SLC16A5: variants seen among roughly 807,000 people sequenced by gnomAD.
SLC16A5 encodes monocarboxylate transporter 6.
In SLC16A5, 29 loss-of-function variants were observed where a neutral mutation model predicts 33.2. The ratio of observed to expected loss-of-function variants is 0.87; its 90% CI spans 0.65 to 1.19. SLC16A5 has a LOEUF of 1.19. SLC16A5 is among the 50% of genes most tolerant of loss of function. The pLI is 0.00. For synonymous variants in SLC16A5, 248 were observed against 284.1 expected, an observed-to-expected ratio of 0.87 and a Z score of 1.28; for missense variants, 606 against 678.2, an observed-to-expected ratio of 0.89 and a Z score of 1.18.
Position 75,100,818 on chromosome 17 carries a change from T to C in SLC16A5, c.1153+2T>C. The C allele has an allele frequency of 6.3e-7, 1 of 1,579,974 alleles. No homozygotes were observed. Among genetic ancestry groups the C allele is most frequent in the Non-Finnish European group, 8.6e-7 (1 of 1,159,604 alleles). On this transcript the variant is annotated splice_donor_variant, in intron 5 of 6. Coordinates refer to ENST00000329783, the MANE Select transcript of SLC16A5 (RefSeq NM_004695.4). LOFTEE classifies it high-confidence loss of function. ...TCCTCATCTCCCCACCACTGGCCGG[T>C]GAGGAGCTGGGAGGGAGGGCAGCCA...
intron 2 of SLC16A5, among the ~76,000 whole-genome samples, chr17:75,092,791 CTG>C (rs900991226): frequency 2.7e-5 from 4 of 148,706 alleles, no homozygotes; most frequent in African/African-American, 9.9e-5. Flanking sequence ...TTGTGTGTGA[CTG>C]GGTATGTGTC....
chr17:75,105,407 G>GC (rs2073850788), intron 6 of SLC16A5: 1 of 985,352 alleles, frequency 1.0e-6, no homozygotes. Context: ...GGCTGCTTTT[G>GC]CAAGGGAAGC....
At position 75,100,552 on chromosome 17, in the gene SLC16A5, C is replaced by T. The variant is rs761272725; in HGVS notation, c.889C>T (p.Arg297Trp). The T allele has an allele frequency of 5.0e-5, 80 of 1,614,118 alleles. No individual in the cohort carries two copies. The highest frequency in any genetic ancestry group is 6.2e-5 in the Non-Finnish European group (73 of 1,180,054). Residue 297 changes from arginine to tryptophan, a missense_variant, in exon 5 of 7, where the codon CGG becomes TGG. Coordinates refer to ENST00000329783, the MANE Select transcript of SLC16A5 (RefSeq NM_004695.4). ...GCCCCTAGCCGGGCTGATGGCAGGA[C>T]GGCCGGCCTTTGCTAGCCACCGCAA... ...LRPLAGLMAG[R>W]PAFASHRKYL...
rs1456210780 is a variant in SLC16A5 at position 75,096,374 on chromosome 17, C to G, written c.200-1664C>G. Among the ~76,000 whole-genome samples, 8 of 145,966 alleles carry G rather than the reference C, an allele frequency of 5.5e-5. No homozygotes were observed. The East Asian group carries it at 1.7e-3, about 32-fold the overall frequency. Reference sequence around the variant, plus strand: ...TAAGGGCTTTCCCCAATGTCAACTTCCCTAAGTCAGGCCAGAGTCTCTGGC... The same window carrying G: ...TAAGGGCTTTCCCCAATGTCAACTTGCCTAAGTCAGGCCAGAGTCTCTGGC... On this transcript the variant is annotated intron_variant, in intron 3 of 6. Transcript: ENST00000329783.
At chr17:75,106,593 A>AAC (rs2073866445), downstream of SLC16A5, among the ~76,000 whole-genome samples, 1 of 141,098 alleles carries the variant, frequency 7.1e-6, no homozygotes, top group Non-Finnish European at 1.6e-5. Context: ...TCTTTTTTTT[A>AAC]AAAAAAAAAA....
At chr17:75,101,273 G>C (rs1472170024) in intron 5 of SLC16A5, among the ~76,000 whole-genome samples, 1 of 147,166 alleles carries the variant, frequency 6.8e-6, no homozygotes, top group African/African-American at 2.5e-5. Flanking sequence ...AAAAGCATGG[G>C]TTTGTGACCA....
intron 2 of SLC16A5, among the ~76,000 whole-genome samples, chr17:75,090,617 C>T (rs1263804850): frequency 2.0e-5 from 3 of 151,928 alleles, no homozygotes; most frequent in Non-Finnish European, 2.9e-5. Context: ...AGCCCCACCA[C>T]GCCCGGCTAA....
chr17:75,093,442 G>A (rs757533703), intron 2 of SLC16A5, 147 bp from the exon 3 acceptor site: 105 of 1,535,942 alleles, frequency 6.8e-5, no homozygotes, highest in Non-Finnish European at 8.6e-5. Flanking sequence ...TGGGCCTCTG[G>A]CCACCTCCCA....
At position 75,093,786 on chromosome 17, in the gene SLC16A5, C is replaced by G. The variant is rs373405031; in HGVS notation, c.150C>G (p.Ser50Arg). Reference protein sequence around the residue: ...ELQWEFQASNSETSWFPSILT... With the variant: ...ELQWEFQASNRETSWFPSILT... ...AATGGGAGTTCCAGGCCAGCAACAGCGAGACCTCTTGGTTCCCCTCCATCC... is the reference window on the plus strand; with the variant it reads ...AATGGGAGTTCCAGGCCAGCAACAGGGAGACCTCTTGGTTCCCCTCCATCC... The change falls in exon 3 of 7, where the codon AGC becomes AGG. Residue 50 changes from serine (S) to arginine (R), a missense_variant. By Grantham distance (110) the Ser-to-Arg change is moderately radical. Transcript: ENST00000329783. 2 of 1,614,156 alleles carry G rather than the reference C, an allele frequency of 1.2e-6. No individual in the cohort carries two copies. Among genetic ancestry groups the G allele is most frequent in the African/African-American group, 1.3e-5 (1 of 75,042 alleles).
At chr17:75,092,727 C>T (rs1478110346) in intron 2 of SLC16A5, among the ~76,000 whole-genome samples, 11 of 150,148 alleles carry the variant, frequency 7.3e-5, no homozygotes, top group Admixed American at 1.3e-4. Context: ...TGTGTGTGTG[C>T]GTGTGTCTGT....
chr17:75,102,105 AGCCACAGT>A (rs2073807551), intron 5 of SLC16A5, among the ~76,000 whole-genome samples: 1 of 151,982 alleles, frequency 6.6e-6, no homozygotes, highest in Non-Finnish European at 1.5e-5. Context: ...TCCCTTTTTG[AGCCACAGT>A]GCCATCTGCA....
chr17:75,101,101 T>G (rs1057377444), intron 5 of SLC16A5, among the ~76,000 whole-genome samples: 8 of 148,484 alleles, frequency 5.4e-5, no homozygotes, highest in African/African-American at 2.0e-4. Flanking sequence ...ACAAAAAAAT[T>G]AGTTGGGCGT....
chr17:75,099,779 G>A (rs1445195313), intron 4 of SLC16A5, among the ~76,000 whole-genome samples: 2 of 152,170 alleles, frequency 1.3e-5, no homozygotes, highest in Non-Finnish European at 2.9e-5. Context: ...GCTACACCTA[G>A]GGGAACAGGG....
At chr17:75,087,782 G>C (rs2073587285), upstream of SLC16A5, 1 of 152,502 alleles carries the variant, frequency 6.6e-6, no homozygotes, top group South Asian at 2.1e-4. Context: ...CGGATATCCC[G>C]TGGCGCCTGC....
rs191032828 is a variant in SLC16A5, at chr17:75,104,827, C to T, written c.1364+647C>T. On this transcript the variant is annotated intron_variant, in intron 6 of 6. Coordinates refer to ENST00000329783, the MANE Select transcript of SLC16A5 (RefSeq NM_004695.4). ...TTTTTTCCTTGGGTACCAGGGTACT[C>T]GGGGCCCAGGAACCTGGGTCTGAGC... 2.9e-4 allele frequency: 290 copies of T among 985,356 alleles called. No individual in the cohort carries two copies. In the African/African-American group the frequency reaches 4.6e-3, roughly 16 times the overall value. The allele number at this position is 985,356 out of a possible 1,614,324, so 61.0% of individuals were successfully genotyped here. A position where few individuals can be genotyped will look rare whatever the true frequency, so the allele number is the denominator to read the frequency against.
In SLC16A5 at chr17:75,103,972, T is replaced by C; in HGVS notation, c.1156T>C (p.Leu386=). The C allele has an allele frequency of 1.2e-6, 2 of 1,613,760 alleles. No homozygotes were observed. Among genetic ancestry groups the C allele is most frequent in the Non-Finnish European group, 8.5e-7 (1 of 1,179,704 alleles). Residue 386 remains leucine, a splice_region_variant and synonymous_variant, in exon 6 of 7, where the codon TTG becomes CTG. Transcript: ENST00000329783. Reference sequence around the variant, plus strand: ...CTAACTTGATCTCTGTTCCCCAGGGTTGCTCCTGGACGCCACCAACAACTT... The same window carrying C: ...CTAACTTGATCTCTGTTCCCCAGGGCTGCTCCTGGACGCCACCAACAACTT... The part of the protein sequence containing the change: ...AFLISPPLAG[L]LLDATNNFSY...
At chr17:75,104,269 GC>G in intron 6 of SLC16A5, 89 bp downstream of exon 6, 2 of 1,540,992 alleles carry the variant, frequency 1.3e-6, no homozygotes. Flanking sequence ...TCTCAGCCCA[GC>G]CCAGGAGGGG....
intron 6 of SLC16A5, chr17:75,105,647 G>C: frequency 1.0e-6 from 1 of 985,398 alleles, no homozygotes; most frequent in Non-Finnish European, 1.2e-6. Flanking sequence ...AGGGTACCGA[G>C]GGAATGATAA....
chr17:75,090,596 G>A (rs986762080), intron 2 of SLC16A5, among the ~76,000 whole-genome samples: 2 of 151,644 alleles, frequency 1.3e-5, no homozygotes, highest in East Asian at 3.9e-4. Flanking sequence ...GAGTAGCTGC[G>A]ACTACAGGCG....
Sources: allele counts gnomAD v4.1 joint callset (sites outside exome capture counted in the v4.1 genomes callset), GRCh38; gene constraint gnomAD v4.1.1; transcripts MANE v1.5; gene names NCBI Gene and HGNC (gene_info 2026-07-23, HGNC 2026-07-21).